LIPC: variants seen among roughly 807,000 people sequenced by gnomAD.
LIPC encodes hepatic triacylglycerol lipase.
Under a neutral mutation model 50.7 loss-of-function variants are expected in LIPC, and 44 were observed. That is an observed-to-expected ratio of 0.87 (90% confidence interval 0.68 to 1.11). LIPC has a LOEUF of 1.11. Among genes scored for constraint, LIPC ranks in the 50% most tolerant of loss-of-function variants. LIPC has a pLI of 0.00. For synonymous variants in LIPC, 271 were observed against 256.4 expected, an observed-to-expected ratio of 1.06 and a Z score of -0.54; for missense variants, 697 against 648.2, an observed-to-expected ratio of 1.08 and a Z score of -0.82.
At chr15:58,535,957 G>A (rs1291566208) in intron 1 of LIPC, among the ~76,000 whole-genome samples, 1 of 152,150 alleles carries the variant, frequency 6.6e-6, no homozygotes, top group Non-Finnish European at 1.5e-5. Context: ...TCCAAGATCT[G>A]GATCTGGCAG....
intron 1 of LIPC, among the ~76,000 whole-genome samples, chr15:58,456,557 T>C (rs1324457464): frequency 1.3e-5 from 2 of 151,762 alleles, no homozygotes; most frequent in African/African-American, 4.8e-5. Context: ...TGCTGGGGGG[T>C]GAATAGAGAC....
intron 1 of LIPC, among the ~76,000 whole-genome samples, chr15:58,528,996 C>A (rs1892870649): frequency 6.6e-6 from 1 of 152,164 alleles, no homozygotes; most frequent in South Asian, 2.1e-4. Context: ...CTTGCATATT[C>A]CTAGATCCCT....
intron 1 of LIPC, among the ~76,000 whole-genome samples, chr15:58,461,769 A>C (rs1472790608): frequency 1.3e-5 from 2 of 151,952 alleles, no homozygotes; most frequent in Non-Finnish European, 2.9e-5. Context: ...TGTGCCGAAG[A>C]AAGGAACAAC....
chr15:58,452,339 A>G (rs1893932433), intron 1 of LIPC, among the ~76,000 whole-genome samples: 2 of 152,338 alleles, frequency 1.3e-5, no homozygotes, highest in South Asian at 4.1e-4. Flanking sequence ...CTGCCTATAA[A>G]TGTATTTGAT....
At chr15:58,491,223 G>A (rs1310031893) in intron 1 of LIPC, among the ~76,000 whole-genome samples, 1 of 152,104 alleles carries the variant, frequency 6.6e-6, no homozygotes, top group Admixed American at 6.5e-5. Flanking sequence ...TTCATGAAAT[G>A]ACAGCACCTG....
At chr15:58,522,774 C>G (rs796376763) in intron 1 of LIPC, 3 of 152,586 alleles carry the variant, frequency 2.0e-5, no homozygotes, top group African/African-American at 7.2e-5. Flanking sequence ...GGCTCTGTCC[C>G]CTTGCAGAGC....
At chr15:58,545,710 C>T in intron 4 of LIPC, 32 bp from the exon 5 acceptor site, 1 of 1,583,024 alleles carries the variant, frequency 6.3e-7, no homozygotes, top group South Asian at 1.1e-5. Flanking sequence ...CTCCTTGCTC[C>T]TGCGTAACCC....
At chr15:58,449,809 G>A (rs1429354465) in intron 1 of LIPC, among the ~76,000 whole-genome samples, 3 of 152,144 alleles carry the variant, frequency 2.0e-5, no homozygotes, top group South Asian at 4.1e-4. Context: ...CAAAGTGTTG[G>A]GATTACAGAC....
intron 1 of LIPC, among the ~76,000 whole-genome samples, chr15:58,434,268 A>T (rs1476552168): frequency 6.6e-6 from 1 of 152,174 alleles, no homozygotes; most frequent in East Asian, 1.9e-4. Context: ...CTCATCGAGC[A>T]CCAGGAAGTA....
intron 6 of LIPC, among the ~76,000 whole-genome samples, chr15:58,556,063 TG>T (rs1893938086): frequency 6.6e-6 from 1 of 152,182 alleles, no homozygotes; most frequent in South Asian, 2.1e-4. Flanking sequence ...AGGGAGCAGA[TG>T]GGCACTACCC....
In LIPC at chr15:58,489,541, G is replaced by C. The variant is rs371670160; in HGVS notation, c.89-48792G>C. 3.9e-5 allele frequency among the ~76,000 whole-genome samples: 6 copies of C among 152,268 alleles called. No homozygotes were observed. The East Asian group carries it at 1.2e-3, about 29-fold the overall frequency. On this transcript the variant is annotated intron_variant, in intron 1 of 8. Coordinates refer to ENST00000299022, the MANE Select transcript of LIPC (RefSeq NM_000236.3). Reference sequence around the variant, plus strand: ...GTCCTTGTGCACTCAGTTGGCCTCTGGGTGGGGGCCCCAAGACTGGCTGAG... The same window carrying C: ...GTCCTTGTGCACTCAGTTGGCCTCTCGGTGGGGGCCCCAAGACTGGCTGAG...
intron 6 of LIPC, among the ~76,000 whole-genome samples, chr15:58,555,247 C>T (rs1263054487): frequency 6.6e-6 from 1 of 152,146 alleles, no homozygotes; most frequent in Non-Finnish European, 1.5e-5. Flanking sequence ...AAGTGTATCG[C>T]CAAGACAAGG....
chr15:58,559,170 G>A (rs2414598), intron 6 of LIPC, among the ~76,000 whole-genome samples: 144,449 of 152,254 alleles, frequency 0.95, 68,728 homozygotes, highest in Middle Eastern at 0.99. Flanking sequence ...GGGTACAAGG[G>A]ATGGATAGTC....
At chr15:58,469,009 T>C (rs7179509) in intron 1 of LIPC, among the ~76,000 whole-genome samples, 3,923 of 152,260 alleles carry the variant, frequency 0.026, 179 homozygotes, top group African/African-American at 0.089. Flanking sequence ...CCACTTGATC[T>C]GAAAACGTCA....
intron 1 of LIPC, among the ~76,000 whole-genome samples, chr15:58,512,103 C>CTT (rs1163187152): frequency 6.9e-6 from 1 of 144,910 alleles, no homozygotes; most frequent in Non-Finnish European, 1.5e-5. Flanking sequence ...TTTTCTTTTT[C>CTT]TTTTTTTTTT....
chr15:58,457,973 G>T (rs1894196367), intron 1 of LIPC, among the ~76,000 whole-genome samples: 1 of 152,148 alleles, frequency 6.6e-6, no homozygotes. Flanking sequence ...GAGTGCATAG[G>T]ACATACCAGT....
At chr15:58,501,374 A>G (rs1307832210) in intron 1 of LIPC, among the ~76,000 whole-genome samples, 1 of 144,684 alleles carries the variant, frequency 6.9e-6, no homozygotes, top group Non-Finnish European at 1.5e-5. Flanking sequence ...TAATGCCTGA[A>G]GTTTTTTTGT....
intron 1 of LIPC, among the ~76,000 whole-genome samples, chr15:58,440,729 G>A (rs552715995): frequency 1.2e-4 from 18 of 152,324 alleles, no homozygotes; most frequent in African/African-American, 3.8e-4. Context: ...GGCAGCGCAG[G>A]TTAGCTGAGA....
chr15:58,487,047 T>C (rs1478659595), intron 1 of LIPC, among the ~76,000 whole-genome samples: 5 of 152,196 alleles, frequency 3.3e-5, no homozygotes, highest in African/African-American at 9.7e-5. Context: ...GGTTCTGGCA[T>C]ACAAAGTCAC....
Sources: allele counts gnomAD v4.1 joint callset (sites outside exome capture counted in the v4.1 genomes callset), GRCh38; gene constraint gnomAD v4.1.1; transcripts MANE v1.5; gene names NCBI Gene and HGNC (gene_info 2026-07-23, HGNC 2026-07-21).